Variants in DDX42 observed in about 807,000 individuals in gnomAD.
The protein encoded by DDX42 is DEAD-box helicase 42.
DDX42 carries 22 observed loss-of-function variants against 101.5 expected under a neutral mutation model. That is an observed-to-expected ratio of 0.22 (90% confidence interval 0.15 to 0.31). The LOEUF (loss-of-function observed/expected upper bound fraction) is 0.31, where lower values mean the gene tolerates loss of function less well. Among genes scored for constraint, DDX42 ranks in the 10% least tolerant of loss-of-function variants. The probability of loss-of-function intolerance (pLI) is 1.00; values close to 1 mark genes in which losing one functional copy is unlikely to be tolerated. For synonymous variants in DDX42, 402 were observed against 401.2 expected, an observed-to-expected ratio of 1.00 and a Z score of -0.02; for missense variants, 849 against 1,199.9, an observed-to-expected ratio of 0.71 and a Z score of 4.32.
intron 6 of DDX42, among the ~76,000 whole-genome samples, chr17:63,802,188 GA>G (rs911222617): frequency 1.3e-5 from 2 of 149,740 alleles, no homozygotes; most frequent in East Asian, 2.0e-4. Flanking sequence ...CAGTTAAAAA[GA>G]AAAAAAAAGG....
At chr17:63,805,725 C>T (rs2039830702) in intron 7 of DDX42, 1 of 153,212 alleles carries the variant, frequency 6.5e-6, no homozygotes, top group South Asian at 2.0e-4. Context: ...GCTATGCTAT[C>T]TACTCTAATA....
In DDX42 at chr17:63,813,289, T is replaced by C. The variant is rs921121588; in HGVS notation, c.1737T>C (p.Ile579=). The change falls in exon 15 of 18, where the codon ATT becomes ATC. Residue 579 remains isoleucine, a synonymous_variant. Coordinates refer to ENST00000389924, the MANE Select transcript of DDX42 (RefSeq NM_203499.3). ...TVINYDVARD[I]DTHTHRIGRT... Reference sequence around the variant, plus strand: ...TTAACTATGATGTGGCACGAGACATTGATACCCACACGCATAGGATTGGCC... The same window carrying C: ...TTAACTATGATGTGGCACGAGACATCGATACCCACACGCATAGGATTGGCC... 1 of 1,613,954 alleles carries C rather than the reference T, an allele frequency of 6.2e-7. No homozygotes were observed. The highest frequency in any genetic ancestry group is 1.3e-5 in the African/African-American group (1 of 74,924).
At chr17:63,803,193 A>ATG (rs1567739954) in intron 6 of DDX42, among the ~76,000 whole-genome samples, 1 of 152,240 alleles carries the variant, frequency 6.6e-6, no homozygotes, top group Admixed American at 6.5e-5. Flanking sequence ...ATGGATTATA[A>ATG]TGTAACAGAG....
In DDX42 at chr17:63,819,113, A is replaced by G. The variant is rs1203666157; in HGVS notation, c.*715A>G. 3.9e-5 allele frequency: 6 copies of G among 152,636 alleles called. No individual in the cohort carries two copies. The highest frequency in any genetic ancestry group is 6.5e-5 in the Admixed American group (1 of 15,300). The allele number at this position is 152,636 out of a possible 1,614,324, so 9.5% of individuals were successfully genotyped here. On this transcript the variant is annotated 3_prime_UTR_variant, in exon 18 of 18. Coordinates refer to ENST00000389924, the MANE Select transcript of DDX42 (RefSeq NM_203499.3). ...AACAAGAAACCCAACAACAGCTTTT[A>G]AAGTGTCTTCTATCTCATTGTATTT...
intron 3 of DDX42, among the ~76,000 whole-genome samples, chr17:63,796,346 G>A (rs983032833): frequency 6.6e-5 from 10 of 152,134 alleles, no homozygotes; most frequent in Non-Finnish European, 1.5e-5. Flanking sequence ...CTTCACCCTT[G>A]TTGCCCAGGC....
chr17:63,788,604 G>A (rs2039580293), intron 2 of DDX42, among the ~76,000 whole-genome samples: 1 of 152,032 alleles, frequency 6.6e-6, no homozygotes, highest in African/African-American at 2.4e-5. Flanking sequence ...CACTGGGCCC[G>A]GGCTACATCT....
chr17:63,813,475 T>C (rs936450552), intron 15 of DDX42, 21 bp downstream of exon 15: 15 of 1,602,200 alleles, frequency 9.4e-6, no homozygotes, highest in Non-Finnish European at 1.2e-5. Flanking sequence ...GGGCACACTT[T>C]CAATTGCTCC....
chr17:63,786,382 G>A (rs2039547616), intron 1 of DDX42, among the ~76,000 whole-genome samples: 1 of 152,076 alleles, frequency 6.6e-6, no homozygotes, highest in African/African-American at 2.4e-5. Context: ...CTGAATAGCT[G>A]GGCTGGAAAT....
chr17:63,800,600 C>G lies in DDX42; in HGVS notation c.604C>G (p.Pro202Ala), dbSNP rs779228678. The change falls in exon 6 of 18, where the codon CCC becomes GCC. Residue 202 changes from proline to alanine, a missense_variant. This residue lies in a region of DDX42 where 370 missense variants were observed against 608.8 expected (regional missense o/e 0.61). Coordinates refer to ENST00000389924, the MANE Select transcript of DDX42 (RefSeq NM_203499.3). ...CAAAAAAATCATTGATCCTCTTCCCCCCATTGATCATTCAGAGGTATGGTG... is the reference window on the plus strand; with the variant it reads ...CAAAAAAATCATTGATCCTCTTCCCGCCATTGATCATTCAGAGGTATGGTG... ...PTKKIIDPLP[P>A]IDHSEIDYPP... The G allele has an allele frequency of 6.2e-7, 1 of 1,613,992 alleles. No individual in the cohort carries two copies. The highest frequency in any genetic ancestry group is 8.5e-7 in the Non-Finnish European group (1 of 1,179,926).
intron 17 of DDX42, 93 bp from the exon 18 acceptor site, chr17:63,817,599 CAG>C (rs2039991939): frequency 1.1e-5 from 14 of 1,229,428 alleles, no homozygotes; most frequent in Admixed American, 4.2e-5. Flanking sequence ...CAGGATAGCA[CAG>C]AGTTTCTGTA....
Position 63,784,635 on chromosome 17 carries a change from A to G in DDX42, c.-16-2399A>G, listed in dbSNP as rs79639125. Among the ~76,000 whole-genome samples the G allele has an allele frequency of 2.0e-3, 300 of 152,162 alleles. 1 individual carries two copies. Among genetic ancestry groups the G allele is most frequent in the Non-Finnish European group, 3.5e-3 (236 of 67,984 alleles). ...AAAAAATTAAAATAAAAACCCAGGCATGGTGGCTCATGTTTGTAGTTCCAG... is the reference window on the plus strand; with the variant it reads ...AAAAAATTAAAATAAAAACCCAGGCGTGGTGGCTCATGTTTGTAGTTCCAG... On this transcript the variant is annotated intron_variant, in intron 1 of 17. Coordinates refer to ENST00000389924, the MANE Select transcript of DDX42 (RefSeq NM_203499.3).
Position 63,784,007 on chromosome 17 carries a change from T to G in DDX42, c.-16-3027T>G, listed in dbSNP as rs183627820. Among the ~76,000 whole-genome samples, 259 of 152,160 alleles carry G rather than the reference T, an allele frequency of 1.7e-3. 1 individual carries two copies. Among genetic ancestry groups the G allele is most frequent in the African/African-American group, 5.7e-3 (235 of 41,508 alleles). On this transcript the variant is annotated intron_variant, in intron 1 of 17. Coordinates refer to ENST00000389924, the MANE Select transcript of DDX42 (RefSeq NM_203499.3). Reference sequence around the variant, plus strand: ...TGAACCATGGAGGCAGAGGTTGCAGTGAGCTAAGATTGTACCACTGCACTC... The same window carrying G: ...TGAACCATGGAGGCAGAGGTTGCAGGGAGCTAAGATTGTACCACTGCACTC...
At chr17:63,798,994 A>G (rs984356050) in intron 4 of DDX42, among the ~76,000 whole-genome samples, 5 of 152,224 alleles carry the variant, frequency 3.3e-5, no homozygotes, top group African/African-American at 7.2e-5. Flanking sequence ...CTAAGCAACC[A>G]TATTTTCTCT....
At chr17:63,793,251 C>CTT (rs549123731) in intron 3 of DDX42, among the ~76,000 whole-genome samples, 2 of 147,176 alleles carry the variant, frequency 1.4e-5, no homozygotes, top group African/African-American at 5.0e-5. Context: ...TTTCCTTTCT[C>CTT]TTTTTTTTTT....
intron 10 of DDX42, 77 bp downstream of exon 10, chr17:63,809,025 C>A: frequency 1.3e-6 from 2 of 1,564,264 alleles, no homozygotes; most frequent in Admixed American, 1.9e-5. Context: ...CAGAGAATTT[C>A]CCCTAAAGTG....
Position 63,818,416 on chromosome 17 carries a change from G to T in DDX42, c.*18G>T, listed in dbSNP as rs749249431. The T allele has an allele frequency of 4.0e-5, 64 of 1,599,332 alleles. 2 individuals are homozygous for T. In the South Asian group the frequency reaches 7.0e-4, roughly 17 times the overall value. ...ACAGTTAGAGGGGATGTGCTAAAGC[G>T]TGAAATCAGTTGTCCTTAATTTTTA... On this transcript the variant is annotated 3_prime_UTR_variant, in exon 18 of 18. Coordinates refer to ENST00000389924, the MANE Select transcript of DDX42 (RefSeq NM_203499.3).
At chr17:63,791,591 G>A (rs2039628293) in intron 2 of DDX42, among the ~76,000 whole-genome samples, 1 of 152,136 alleles carries the variant, frequency 6.6e-6, no homozygotes, top group Non-Finnish European at 1.5e-5. Context: ...GATTAGAGGT[G>A]TGAGCCACCA....
chr17:63,804,249 A>T (rs2039810978), intron 6 of DDX42, among the ~76,000 whole-genome samples: 1 of 152,008 alleles, frequency 6.6e-6, no homozygotes, highest in South Asian at 2.1e-4. Context: ...GTTTGAGTCT[A>T]GCCTGGGCAA....
rs1555571789 is a variant in DDX42 at position 63,789,546 on chromosome 17, CT to C, written c.221+2282del. On this transcript the variant is annotated intron_variant, in intron 2 of 17. Transcript: ENST00000389924. The stretch of plus-strand genomic sequence containing the variant: ...ATTGGAAAAAAAAGCTTCTAAAAGA[CT>C]TTTTTGTTTTTGTTTTTGTTTTTGT... Among the ~76,000 whole-genome samples the C allele has an allele frequency of 1.6e-5, 2 of 121,850 alleles. 1 individual carries two copies. The highest frequency in any genetic ancestry group is 6.8e-5 in the African/African-American group (2 of 29,320). 79.9% of individuals were successfully genotyped at this position (121,850 alleles called of 152,430 possible).
Sources: gnomAD v4.1 joint callset for allele counts (sites outside exome capture counted in the v4.1 genomes callset) on GRCh38, gnomAD v4.1.1 for gene constraint, gnomAD v4.1.1 regional missense constraint, MANE v1.5 for transcripts, NCBI Gene and HGNC (gene_info 2026-07-23, HGNC 2026-07-21) for gene names.